The following RFTN1 variants were observed in gnomAD, a reference collection of about 807,000 sequenced individuals.
RFTN1 encodes raftlin, lipid raft linker 1, also known as raftlin.
Under a neutral mutation model 46.5 loss-of-function variants are expected in RFTN1, and 26 were observed. The observed-to-expected ratio is 0.56, with a 90% confidence interval of 0.41 to 0.78. The LOEUF is 0.78. Ranked by LOEUF, RFTN1 falls within the 30% of genes least tolerant of loss-of-function variation. The pLI, the probability that RFTN1 is intolerant of heterozygous loss-of-function variation, is 0.00. For missense variants in RFTN1, 693 were observed against 718.7 expected (o/e 0.96, Z 0.41); for synonymous variants, 261 against 284.2 (o/e 0.92, Z 0.82).
chr3:16,431,149 C>G (rs558332014), intron 3 of RFTN1, among the ~76,000 whole-genome samples: 8 of 152,354 alleles, frequency 5.3e-5, no homozygotes, highest in African/African-American at 1.9e-4. Flanking sequence ...TTGCACGACA[C>G]TGCTTACTAG....
At chr3:16,419,708 C>G (rs1245096654) in intron 3 of RFTN1, among the ~76,000 whole-genome samples, 2 of 152,152 alleles carry the variant, frequency 1.3e-5, no homozygotes, top group Non-Finnish European at 2.9e-5. Flanking sequence ...AAAAAATAGT[C>G]AAGTAAACAA....
chr3:16,389,916 CCTT>C (rs2074307482), intron 4 of RFTN1, among the ~76,000 whole-genome samples: 1 of 152,168 alleles, frequency 6.6e-6, no homozygotes, highest in Non-Finnish European at 1.5e-5. Flanking sequence ...TGAACTTCTA[CCTT>C]CTTCTCTTGG....
Position 16,443,601 on chromosome 3 carries a change from C to G in RFTN1, c.146-9564G>C, listed in dbSNP as rs185621118. ...GAGTAACTGGCAAAGCAACAGATGC[C>G]TCATCAAATGAATTAAGTTGCCGGC... On this transcript the variant is annotated intron_variant, in intron 2 of 9. Coordinates refer to ENST00000334133, the MANE Select transcript of RFTN1 (RefSeq NM_015150.2). This position sits in a 1 kb window ranked among gnomAD's most constrained non-coding sequence, Gnocchi z 5.5. 7.7e-4 allele frequency among the ~76,000 whole-genome samples: 117 copies of G among 152,206 alleles called. 1 individual carries two copies. Among genetic ancestry groups the G allele is most frequent in the Admixed American group, 4.1e-3 (62 of 15,292 alleles).
intron 6 of RFTN1, among the ~76,000 whole-genome samples, chr3:16,365,488 T>C (rs749757944): frequency 2.0e-5 from 3 of 152,214 alleles, no homozygotes. Flanking sequence ...GTTTTACTTA[T>C]GTATTTTGCA....
chr3:16,485,063 C>A (rs1454672383), intron 2 of RFTN1, among the ~76,000 whole-genome samples: 1 of 152,226 alleles, frequency 6.6e-6, no homozygotes, highest in Non-Finnish European at 1.5e-5. Context: ...TGAGCAGTAT[C>A]TTATAAAGGT....
chr3:16,513,234 AG>A lies in RFTN1; in HGVS notation c.-9+207del, dbSNP rs752426433. 4 of 152,678 alleles carry A rather than the reference AG, an allele frequency of 2.6e-5. No homozygotes were observed. The highest frequency in any genetic ancestry group is 4.4e-5 in the Non-Finnish European group (3 of 68,450). 9.5% of individuals were successfully genotyped at this position (152,678 alleles called of 1,614,324 possible). ...GCAAAAAAAAGTTGGCCCAAGATCCAGGCGTCCCAAGGATCAGCCCAGGTCC... is the reference window on the plus strand; with the variant it reads ...GCAAAAAAAAGTTGGCCCAAGATCCAGCGTCCCAAGGATCAGCCCAGGTCC... On this transcript the variant is annotated intron_variant, in intron 1 of 9. Transcript: ENST00000334133. This position sits in a 1 kb window ranked among gnomAD's most constrained non-coding sequence, Gnocchi z 5.4.
intron 2 of RFTN1, among the ~76,000 whole-genome samples, chr3:16,444,892 T>C (rs1353948776): frequency 6.6e-6 from 1 of 152,254 alleles, no homozygotes; most frequent in Non-Finnish European, 1.5e-5. Flanking sequence ...TTTGTTGTTA[T>C]TAATCTTTCT....
At position 16,335,614 on chromosome 3, in the gene RFTN1, G is replaced by A. The variant is rs1389460609; in HGVS notation, c.1147-8738C>T. Among the ~76,000 whole-genome samples the A allele has an allele frequency of 2.0e-5, 3 of 152,050 alleles. No individual in the cohort carries two copies. Among genetic ancestry groups the A allele is most frequent in the African/African-American group, 7.2e-5 (3 of 41,390 alleles). On this transcript the variant is annotated intron_variant, in intron 7 of 9. Coordinates refer to ENST00000334133, the MANE Select transcript of RFTN1 (RefSeq NM_015150.2). This position sits in a 1 kb window ranked among gnomAD's most constrained non-coding sequence, Gnocchi z 4.7. ...CACATGGTGGGGAGCAACACACACTGGGACCTGTTGGAGGTGTGGGAGGAG... is the reference window on the plus strand; with the variant it reads ...CACATGGTGGGGAGCAACACACACTAGGACCTGTTGGAGGTGTGGGAGGAG...
chr3:16,328,342 G>A (rs1385162695), intron 7 of RFTN1, among the ~76,000 whole-genome samples: 3 of 152,358 alleles, frequency 2.0e-5, no homozygotes, highest in Admixed American at 2.0e-4. Flanking sequence ...CCACTCAGAA[G>A]GTGGCCACGT....
At position 16,481,111 on chromosome 3, in the gene RFTN1, T is replaced by C. The variant is rs557628098; in HGVS notation, c.145+12614A>G. On this transcript the variant is annotated intron_variant, in intron 2 of 9. Coordinates refer to ENST00000334133, the MANE Select transcript of RFTN1 (RefSeq NM_015150.2). This position sits in a 1 kb window ranked among gnomAD's most constrained non-coding sequence, Gnocchi z 5.1. ...GTAGCTGGGAAAACAGCATGAAGAG[T>C]TTTTACATTCAGAAAGGAATGCAAA... Among the ~76,000 whole-genome samples the C allele has an allele frequency of 2.6e-5, 4 of 151,614 alleles. No homozygotes were observed. Among genetic ancestry groups the C allele is most frequent in the South Asian group, 2.1e-4 (1 of 4,784 alleles).
chr3:16,467,363 C>T (rs1306283428), intron 2 of RFTN1, among the ~76,000 whole-genome samples: 1 of 152,214 alleles, frequency 6.6e-6, no homozygotes, highest in Non-Finnish European at 1.5e-5. Flanking sequence ...CAAACTCAGC[C>T]ATCCAGATGC....
In RFTN1 at chr3:16,465,808, A is replaced by G. The variant is rs182877170; in HGVS notation, c.145+27917T>C. Reference sequence around the variant, plus strand: ...ACCCTGGAGCTCCATTTTCCCAGGGAGGACTTGAGCGGGAAAAGCAAGATG... The same window carrying G: ...ACCCTGGAGCTCCATTTTCCCAGGGGGGACTTGAGCGGGAAAAGCAAGATG... On this transcript the variant is annotated intron_variant, in intron 2 of 9. Transcript: ENST00000334133. This position sits in a 1 kb window ranked among gnomAD's most constrained non-coding sequence, Gnocchi z 5.1. Among the ~76,000 whole-genome samples the G allele has an allele frequency of 1.3e-4, 20 of 152,294 alleles. No homozygotes were observed. Among genetic ancestry groups the G allele is most frequent in the Non-Finnish European group, 2.8e-4 (19 of 68,020 alleles).
In RFTN1 at chr3:16,433,962, T is replaced by C; in HGVS notation, c.221A>G (p.Gln74Arg). The C allele has an allele frequency of 6.2e-7, 1 of 1,614,062 alleles. No individual in the cohort carries two copies. The highest frequency in any genetic ancestry group is 1.1e-5 in the South Asian group (1 of 91,066). Residue 74 changes from glutamine to arginine, a missense_variant, in exon 3 of 10, where the codon CAG (glutamine) becomes CGG (arginine). Gln to Arg is a conservative substitution (Grantham distance 43). Coordinates refer to ENST00000334133, the MANE Select transcript of RFTN1 (RefSeq NM_015150.2). This position sits in a 1 kb window ranked among gnomAD's most constrained non-coding sequence, Gnocchi z 4.4. ...DLPAQLLELY[Q>R]QGFSLAALHP... is the part of the protein sequence containing the mutation. Reference sequence around the variant, plus strand: ...CAGGGCCGCCAGCGAGAAGCCCTGCTGGTACAGCTCCAGGAGCTGGGCGGG... The same window carrying C: ...CAGGGCCGCCAGCGAGAAGCCCTGCCGGTACAGCTCCAGGAGCTGGGCGGG...
chr3:16,487,580 A>G (rs1445006911), intron 2 of RFTN1, among the ~76,000 whole-genome samples: 2 of 152,250 alleles, frequency 1.3e-5, no homozygotes, highest in Non-Finnish European at 2.9e-5. Flanking sequence ...ACATATAAAT[A>G]CCATGTGGCT....
Position 16,418,690 on chromosome 3 carries a change from T to A in RFTN1, c.333-9207A>T, listed in dbSNP as rs183946420. ...TCAGAACAGCTTATTTTTTTTTTTT[T>A]AAAGAAGTATTAGGGAGAGAAATGA... is the stretch of plus-strand genomic sequence containing the variant. On this transcript the variant is annotated intron_variant, in intron 3 of 9. Transcript: ENST00000334133. The surrounding 1 kb of genome is among the most constrained non-coding windows in gnomAD (Gnocchi z 5.0). 1.5e-3 allele frequency among the ~76,000 whole-genome samples: 220 copies of A among 147,306 alleles called. No individual in the cohort carries two copies. Among genetic ancestry groups the A allele is most frequent in the African/African-American group, 3.9e-3 (157 of 39,972 alleles).
intron 3 of RFTN1, among the ~76,000 whole-genome samples, chr3:16,430,565 C>A (rs923290486): frequency 6.6e-6 from 1 of 152,190 alleles, no homozygotes; most frequent in Non-Finnish European, 1.5e-5. Flanking sequence ...CCACTCCTCC[C>A]ACCTAATACC....
rs1191536584 is a variant in RFTN1 at position 16,418,810 on chromosome 3, A to T, written c.333-9327T>A. Among the ~76,000 whole-genome samples the T allele has an allele frequency of 6.6e-6, 1 of 152,188 alleles. No homozygotes were observed. The highest frequency in any genetic ancestry group is 1.9e-4 in the East Asian group (1 of 5,194). Reference sequence around the variant, plus strand: ...ATAACTAATGACAATAAAAATCTCCACTTATTCATTTGTCTATCCATCACC... The same window carrying T: ...ATAACTAATGACAATAAAAATCTCCTCTTATTCATTTGTCTATCCATCACC... On this transcript the variant is annotated intron_variant, in intron 3 of 9. Transcript: ENST00000334133. This position sits in a 1 kb window ranked among gnomAD's most constrained non-coding sequence, Gnocchi z 5.0.
Position 16,449,515 on chromosome 3 carries a change from G to GT in RFTN1, c.146-15479dup, listed in dbSNP as rs988524495. Among the ~76,000 whole-genome samples the GT allele has an allele frequency of 6.6e-6, 1 of 152,200 alleles. No individual in the cohort carries two copies. Among genetic ancestry groups the GT allele is most frequent in the Non-Finnish European group, 1.5e-5 (1 of 68,032 alleles). On this transcript the variant is annotated intron_variant, in intron 2 of 9. Transcript: ENST00000334133. The surrounding 1 kb of genome is among the most constrained non-coding windows in gnomAD (Gnocchi z 5.1). The stretch of plus-strand genomic sequence containing the variant: ...AGTCCTAGAACTGCACCTGGAACTG[G>GT]TAACTCCTCCATACACGGGAGCTGC...
intron 2 of RFTN1, among the ~76,000 whole-genome samples, chr3:16,490,229 A>G (rs1425892671): frequency 1.3e-5 from 2 of 152,250 alleles, no homozygotes; most frequent in Non-Finnish European, 2.9e-5. Context: ...ATGTAATCAA[A>G]ATGTCAAAAG....
Sources: gnomAD v4.1 joint callset for allele counts (sites outside exome capture counted in the v4.1 genomes callset) on GRCh38, gnomAD v4.1.1 for gene constraint, Gnocchi (gnomAD v3.1) non-coding constraint, MANE v1.5 for transcripts, NCBI Gene and HGNC (gene_info 2026-07-23, HGNC 2026-07-21) for gene names.